The following ARHGAP10 variants were observed in gnomAD, a reference collection of about 807,000 sequenced individuals.
ARHGAP10 encodes the protein Rho GTPase activating protein 10.
In ARHGAP10, 87 loss-of-function variants were observed where a neutral mutation model predicts 108.6. The ratio of observed to expected loss-of-function variants is 0.80; its 90% confidence interval spans 0.67 to 0.96. The LOEUF is 0.96. ARHGAP10 is among the 40% of genes least tolerant of loss of function. The pLI, the probability that ARHGAP10 is intolerant of heterozygous loss-of-function variation, is 0.00. For missense variants in ARHGAP10, 939 were observed against 954.5 expected (o/e 0.98, Z 0.21); for synonymous variants, 347 against 341.1 (o/e 1.02, Z -0.19).
intron 22 of ARHGAP10, among the ~76,000 whole-genome samples, chr4:148,068,315 A>AG (rs1470917126): frequency 7.9e-5 from 12 of 152,162 alleles, no homozygotes; most frequent in Non-Finnish European, 1.8e-4. Flanking sequence ...GATGTGGGGG[A>AG]GCAGGTGTGG....
At chr4:147,834,693 C>T (rs1579097176) in intron 3 of ARHGAP10, among the ~76,000 whole-genome samples, 1 of 147,756 alleles carries the variant, frequency 6.8e-6, no homozygotes, top group East Asian at 1.9e-4. Flanking sequence ...CCCACACTCA[C>T]ACCCACACCC....
chr4:148,064,369 G>C, intron 21 of ARHGAP10, 47 bp from the exon 22 acceptor site: 1 of 1,581,580 alleles, frequency 6.3e-7, no homozygotes, highest in Non-Finnish European at 8.7e-7. Flanking sequence ...GTTTCTCTCT[G>C]TTTTCCACAT....
In ARHGAP10 at chr4:147,915,628, T is replaced by C. The variant is rs80175110; in HGVS notation, c.1228+2489T>C. 1.8e-3 allele frequency among the ~76,000 whole-genome samples: 276 copies of C among 152,340 alleles called. 7 individuals are homozygous for C. In the East Asian group the frequency reaches 0.042, roughly 23 times the overall value. ...ATATGTTTTTATAAGTATATAGATG[T>C]TGAATAGGTCTACACATTTTATGTT... On this transcript the variant is annotated intron_variant, in intron 13 of 22. Coordinates refer to ENST00000336498, the MANE Select transcript of ARHGAP10 (RefSeq NM_024605.4).
At chr4:147,780,001 G>A (rs1730464299) in intron 1 of ARHGAP10, among the ~76,000 whole-genome samples, 1 of 152,128 alleles carries the variant, frequency 6.6e-6, no homozygotes, top group African/African-American at 2.4e-5. Context: ...CTTGTTACAT[G>A]GGATTGCAGT....
chr4:147,955,676 A>C (rs1738763713), intron 16 of ARHGAP10, among the ~76,000 whole-genome samples: 1 of 152,182 alleles, frequency 6.6e-6, no homozygotes, highest in African/African-American at 2.4e-5. Flanking sequence ...TTCTCATTAT[A>C]CTACAAAATG....
intron 1 of ARHGAP10, among the ~76,000 whole-genome samples, chr4:147,794,841 G>A (rs1731249793): frequency 6.6e-6 from 1 of 152,128 alleles, no homozygotes; most frequent in Non-Finnish European, 1.5e-5. Flanking sequence ...TTCTTGTGGT[G>A]TTCTATCATG....
At chr4:147,790,177 G>A (rs998911181) in intron 1 of ARHGAP10, among the ~76,000 whole-genome samples, 2 of 151,862 alleles carry the variant, frequency 1.3e-5, no homozygotes, top group Non-Finnish European at 2.9e-5. Context: ...TGACTTGCAC[G>A]CCACCTTCTT....
At chr4:147,755,277 C>T (rs72953475) in intron 1 of ARHGAP10, among the ~76,000 whole-genome samples, 1,850 of 152,232 alleles carry the variant, frequency 0.012, 32 homozygotes, top group African/African-American at 0.041. Flanking sequence ...TTTTCTCTTA[C>T]ATAACCAGTC....
At chr4:147,745,248 G>A (rs1475008615) in intron 1 of ARHGAP10, 1 of 152,194 alleles carries the variant, frequency 6.6e-6, no homozygotes, top group African/African-American at 2.4e-5. Context: ...GGGCTGAGAA[G>A]GGAGTGTGAG....
intron 19 of ARHGAP10, among the ~76,000 whole-genome samples, chr4:148,028,443 C>G (rs1052965812): frequency 1.3e-5 from 2 of 152,106 alleles, no homozygotes; most frequent in African/African-American, 4.8e-5. Context: ...ATTTTATTAG[C>G]TACAAAATCA....
chr4:147,878,667 C>T (rs1735189886), intron 8 of ARHGAP10, among the ~76,000 whole-genome samples: 1 of 152,022 alleles, frequency 6.6e-6, no homozygotes, highest in African/African-American at 2.4e-5. Context: ...TAGGACATAA[C>T]TGTTGATTTT....
chr4:147,985,358 G>A (rs1253070931), intron 18 of ARHGAP10, among the ~76,000 whole-genome samples: 1 of 151,980 alleles, frequency 6.6e-6, no homozygotes, highest in Admixed American at 6.5e-5. Context: ...GGGGTGGAGT[G>A]TAGAAGGCCC....
chr4:147,732,278 C>T lies in ARHGAP10; in HGVS notation c.-24C>T. On this transcript the variant is annotated 5_prime_UTR_variant, in exon 1 of 23. Transcript: ENST00000336498. The stretch of plus-strand genomic sequence containing the variant: ...TCGGGCAGGAGCGCGCGGCCGTGCG[C>T]ACCGCGCAGCGACCGCTGCCGTCAT... The T allele has an allele frequency of 6.3e-7, 1 of 1,575,782 alleles. No individual in the cohort carries two copies. Among genetic ancestry groups the T allele is most frequent in the Non-Finnish European group, 8.6e-7 (1 of 1,165,442 alleles).
chr4:147,869,315 T>G (rs1369266134), intron 7 of ARHGAP10, among the ~76,000 whole-genome samples: 1 of 152,102 alleles, frequency 6.6e-6, no homozygotes, highest in Non-Finnish European at 1.5e-5. Flanking sequence ...GCACGGCTCG[T>G]TTATTTGTGG....
At chr4:147,882,801 T>C (rs553923409) in intron 10 of ARHGAP10, among the ~76,000 whole-genome samples, 7 of 152,372 alleles carry the variant, frequency 4.6e-5, no homozygotes, top group Admixed American at 6.5e-5. Flanking sequence ...TTACTACTTG[T>C]CTGGCATTAA....
At chr4:147,975,186 T>C (rs1739546440) in intron 18 of ARHGAP10, among the ~76,000 whole-genome samples, 1 of 152,196 alleles carries the variant, frequency 6.6e-6, no homozygotes, top group Admixed American at 6.5e-5. Context: ...TAATAGGGAT[T>C]GTGGTAGAAT....
chr4:147,978,580 C>A (rs1739689835), intron 18 of ARHGAP10, among the ~76,000 whole-genome samples: 1 of 152,168 alleles, frequency 6.6e-6, no homozygotes, highest in South Asian at 2.1e-4. Flanking sequence ...CTCACTCTCT[C>A]CTGCTCCGCC....
intron 13 of ARHGAP10, among the ~76,000 whole-genome samples, chr4:147,913,353 G>T (rs1736832910): frequency 6.6e-6 from 1 of 152,176 alleles, no homozygotes; most frequent in Non-Finnish European, 1.5e-5. Flanking sequence ...AAAACATGAG[G>T]TCAGTGTTGA....
rs1328225318 is a variant in ARHGAP10 at position 147,999,247 on chromosome 4, C to T, written c.1717-24016C>T. ...AACAGGAGGTAAATAAATAGCCAAT[C>T]ATCTATCACCTGAGAGCACAGCAGG... On this transcript the variant is annotated intron_variant, in intron 18 of 22. Transcript: ENST00000336498. 3.9e-5 allele frequency among the ~76,000 whole-genome samples: 6 copies of T among 152,214 alleles called. No homozygotes were observed. In the East Asian group the frequency reaches 1.2e-3, roughly 29 times the overall value.
Sources: allele counts gnomAD v4.1 joint callset (sites outside exome capture counted in the v4.1 genomes callset), GRCh38; gene constraint gnomAD v4.1.1; transcripts MANE v1.5; gene names NCBI Gene and HGNC (gene_info 2026-07-23, HGNC 2026-07-21).